The following DNAI2 variants were observed in gnomAD, a reference collection of about 807,000 sequenced individuals.
DNAI2 encodes the protein dynein axonemal intermediate chain 2.
DNAI2 carries 63 observed loss-of-function variants against 74.7 expected under a neutral mutation model. The observed-to-expected ratio is 0.84, with a 90% confidence interval of 0.69 to 1.04. The LOEUF (loss-of-function observed/expected upper bound fraction) is 1.04, where lower values mean the gene tolerates loss of function less well. Ranked by LOEUF, DNAI2 falls within the 50% of genes least tolerant of loss-of-function variation. DNAI2 has a pLI of 0.00. For missense variants in DNAI2, 688 were observed against 803.2 expected (o/e 0.86, Z 1.73); for synonymous variants, 289 against 314.9 (o/e 0.92, Z 0.87).
chr17:74,287,971 C>T (rs1012925511), intron 4 of DNAI2, among the ~76,000 whole-genome samples: 1 of 142,352 alleles, frequency 7.0e-6, no homozygotes, highest in Non-Finnish European at 1.5e-5. Context: ...AAAAAAAAAG[C>T]AGTGCAACTT....
At chr17:74,305,085 C>T in intron 8 of DNAI2, 134 bp from the exon 9 acceptor site, 1 of 887,434 alleles carries the variant, frequency 1.1e-6, no homozygotes, top group Non-Finnish European at 1.8e-6. Context: ...GGAGGGGCCA[C>T]AGCCCTTGCC....
intron 9 of DNAI2, 51 bp from the exon 10 acceptor site, chr17:74,309,202 T>C: frequency 6.2e-7 from 1 of 1,610,184 alleles, no homozygotes; most frequent in Non-Finnish European, 8.5e-7. Context: ...AGCCAAGCTG[T>C]GGCTCAGAAG....
At chr17:74,274,634 G>A (rs2050952020) in intron 1 of DNAI2, among the ~76,000 whole-genome samples, 2 of 152,064 alleles carry the variant, frequency 1.3e-5, no homozygotes, top group Admixed American at 1.3e-4. Flanking sequence ...TCCTTGTCCT[G>A]GAGTGGACTG....
chr17:74,294,173 A>G (rs2052294455), intron 6 of DNAI2, among the ~76,000 whole-genome samples: 1 of 152,052 alleles, frequency 6.6e-6, no homozygotes, highest in East Asian at 1.9e-4. Context: ...AATTACTGAT[A>G]AAGTTTACAT....
rs190521462 is a variant in DNAI2, at chr17:74,290,043, C to T, written c.610+307C>T. Among the ~76,000 whole-genome samples, 191 of 152,236 alleles carry T rather than the reference C, an allele frequency of 1.3e-3. 2 individuals carry two copies. The highest frequency in any genetic ancestry group is 4.2e-3 in the African/African-American group (175 of 41,554). On this transcript the variant is annotated intron_variant, in intron 5 of 13. Coordinates refer to ENST00000311014, the MANE Select transcript of DNAI2 (RefSeq NM_023036.6). ...CCTAAGGAGCATATCAGGCCGGGCTCGGTGGCCCATGCCTGTAATCCCAGC... is the reference window on the plus strand; with the variant it reads ...CCTAAGGAGCATATCAGGCCGGGCTTGGTGGCCCATGCCTGTAATCCCAGC...
intron 6 of DNAI2, among the ~76,000 whole-genome samples, chr17:74,291,478 TAGTC>T (rs2052096162): frequency 6.6e-6 from 1 of 152,144 alleles, no homozygotes; most frequent in Non-Finnish European, 1.5e-5. Context: ...CCCAGATTCA[TAGTC>T]AGAGCCAATC....
intron 10 of DNAI2, 90 bp downstream of exon 10, chr17:74,309,478 G>A: frequency 5.7e-6 from 9 of 1,571,128 alleles, no homozygotes; most frequent in Non-Finnish European, 7.8e-6. Flanking sequence ...GAGCACGTGT[G>A]CAGTGTGTGG....
chr17:74,285,227 C>G, intron 3 of DNAI2, 26 bp downstream of exon 3: 1 of 1,611,768 alleles, frequency 6.2e-7, no homozygotes, highest in East Asian at 2.2e-5. Context: ...GCCCCAGCTG[C>G]AAGAGCCCCA....
intron 1 of DNAI2, among the ~76,000 whole-genome samples, chr17:74,275,488 G>A (rs781411031): frequency 4.2e-4 from 64 of 152,274 alleles, no homozygotes; most frequent in Non-Finnish European, 8.2e-4. Context: ...GCTTTGAGAG[G>A]CCCAGGAGGA....
In DNAI2 at chr17:74,307,471, G is replaced by C. The variant is rs192533898; in HGVS notation, c.1212-1782G>C. On this transcript the variant is annotated intron_variant, in intron 9 of 13. Transcript: ENST00000311014. ...TCACTTGAGGTCAGGAGTTCAAGAC[G>C]AGCCTGGCCAATATGGTGAATCCCC... 104 of 351,054 alleles carry C rather than the reference G, an allele frequency of 3.0e-4. 1 individual carries two copies. Among genetic ancestry groups the C allele is most frequent in the African/African-American group, 1.9e-3 (87 of 45,938 alleles). The allele number at this position is 351,054 out of a possible 1,614,324, so 21.7% of individuals were successfully genotyped here.
chr17:74,312,323 C>G (rs2053580038), intron 12 of DNAI2, 93 bp downstream of exon 12: 1 of 1,004,682 alleles, frequency 1.0e-6, no homozygotes, highest in South Asian at 1.5e-5. Flanking sequence ...CCTGGGTGAC[C>G]TTGAGCAAGT....
chr17:74,297,955 T>C (rs2144014209), intron 6 of DNAI2, among the ~76,000 whole-genome samples: 1 of 152,338 alleles, frequency 6.6e-6, no homozygotes, highest in Non-Finnish European at 1.5e-5. Context: ...GTCAGCTGCT[T>C]CCTAAGGCCC....
intron 10 of DNAI2, 115 bp downstream of exon 10, chr17:74,309,503 G>A (rs762057771): frequency 3.4e-6 from 5 of 1,453,376 alleles, no homozygotes; most frequent in Non-Finnish European, 4.8e-6. Flanking sequence ...GTGTGTTTGG[G>A]CCTCTGTGGG....
At position 74,279,181 on chromosome 17, in the gene DNAI2, A is replaced by C. The variant is rs528259728; in HGVS notation, c.-11-2626A>C. ...GACTCCGTCTCAAAATAAATAAATA[A>C]ATAAAAATAACTAACAAAGGATAAA... is the stretch of plus-strand genomic sequence containing the variant. On this transcript the variant is annotated intron_variant, in intron 1 of 13. Coordinates refer to ENST00000311014, the MANE Select transcript of DNAI2 (RefSeq NM_023036.6). 1.8e-4 allele frequency among the ~76,000 whole-genome samples: 27 copies of C among 152,258 alleles called. No homozygotes were observed. In the South Asian group the frequency reaches 5.4e-3, roughly 30 times the overall value.
At chr17:74,294,513 G>T (rs1349948224) in intron 6 of DNAI2, among the ~76,000 whole-genome samples, 1 of 151,336 alleles carries the variant, frequency 6.6e-6, no homozygotes, top group Non-Finnish European at 1.5e-5. Context: ...ATAGGGTCTT[G>T]CTATGTTGCC....
chr17:74,285,377 A>G (rs1000027179), intron 3 of DNAI2, among the ~76,000 whole-genome samples, 176 bp downstream of exon 3: 1 of 152,186 alleles, frequency 6.6e-6, no homozygotes, highest in Non-Finnish European at 1.5e-5. Flanking sequence ...AGAGGTCCCA[A>G]TCACAGACCA....
At chr17:74,284,893 T>C in intron 2 of DNAI2, 147 bp from the exon 3 acceptor site, 1 of 1,022,746 alleles carries the variant, frequency 9.8e-7, no homozygotes. Context: ...AGGAATTTCC[T>C]TGCCTGCATT....
At chr17:74,302,249 A>G (rs2052900218) in intron 8 of DNAI2, among the ~76,000 whole-genome samples, 1 of 151,540 alleles carries the variant, frequency 6.6e-6, no homozygotes, top group Non-Finnish European at 1.5e-5. Flanking sequence ...TGGACAACAT[A>G]GCAAGACACT....
At chr17:74,289,488 C>T (rs1434343907) in intron 4 of DNAI2, 106 bp from the exon 5 acceptor site, 21 of 1,452,320 alleles carry the variant, frequency 1.4e-5, no homozygotes, top group Non-Finnish European at 1.7e-5. Context: ...GATTATGCCA[C>T]TGCCTGGGGG....
Sources: allele counts gnomAD v4.1 joint callset (sites outside exome capture counted in the v4.1 genomes callset), GRCh38; gene constraint gnomAD v4.1.1; transcripts MANE v1.5; gene names NCBI Gene and HGNC (gene_info 2026-07-23, HGNC 2026-07-21).